Variants in SLC22A3 observed in about 807,000 individuals in gnomAD.
SLC22A3 encodes EMT organic cation transporter 3.
SLC22A3 carries 51 observed loss-of-function variants against 59.1 expected under a neutral mutation model. The observed-to-expected ratio is 0.86, with a 90% CI of 0.69 to 1.09. SLC22A3 has a LOEUF of 1.09. SLC22A3 is among the 50% of genes least tolerant of loss of function. SLC22A3 has a pLI of 0.00. For synonymous variants in SLC22A3, 325 were observed against 292.0 expected, an observed-to-expected ratio of 1.11 and a Z score of -1.15; for missense variants, 711 against 726.3, an observed-to-expected ratio of 0.98 and a Z score of 0.24.
At chr6:160,365,088 A>C (rs1785160611) in intron 1 of SLC22A3, among the ~76,000 whole-genome samples, 1 of 152,118 alleles carries the variant, frequency 6.6e-6, no homozygotes, top group Admixed American at 6.6e-5. Context: ...TGAACCATTA[A>C]GTTTTTAAAA....
At chr6:160,365,618 T>C (rs571749852) in intron 1 of SLC22A3, among the ~76,000 whole-genome samples, 1 of 152,324 alleles carries the variant, frequency 6.6e-6, no homozygotes, top group Admixed American at 6.5e-5. Context: ...GTGATGATGA[T>C]GGCTAACCTT....
Position 160,388,616 on chromosome 6 carries a change from T to G in SLC22A3, c.430-9363T>G, listed in dbSNP as rs551150853. ...TGCTTATTTTATGATAAAAAATATTTCTATAAAATGCTCATAGAAATGCCT... is the reference window on the plus strand; with the variant it reads ...TGCTTATTTTATGATAAAAAATATTGCTATAAAATGCTCATAGAAATGCCT... On this transcript the variant is annotated intron_variant, in intron 1 of 10. Transcript: ENST00000275300. 2.6e-5 allele frequency among the ~76,000 whole-genome samples: 4 copies of G among 152,372 alleles called. No individual in the cohort carries two copies. The East Asian group carries it at 7.7e-4, about 29-fold the overall frequency.
At chr6:160,359,891 C>T (rs1479663555) in intron 1 of SLC22A3, among the ~76,000 whole-genome samples, 2 of 152,136 alleles carry the variant, frequency 1.3e-5, no homozygotes, top group African/African-American at 4.8e-5. Context: ...TAAACAGAGT[C>T]CAAGAAAAAT....
chr6:160,447,850 A>G, intron 10 of SLC22A3, 32 bp downstream of exon 10: 1 of 1,500,700 alleles, frequency 6.7e-7, no homozygotes, highest in Non-Finnish European at 9.3e-7. Context: ...ACCCTAAATA[A>G]AAGCAATATT....
At chr6:160,361,174 G>A (rs150161123) in intron 1 of SLC22A3, among the ~76,000 whole-genome samples, 156 of 152,296 alleles carry the variant, frequency 1.0e-3, no homozygotes, top group African/African-American at 3.6e-3. Context: ...TTGGCTAACT[G>A]ATGTTGAGAA....
intron 1 of SLC22A3, among the ~76,000 whole-genome samples, chr6:160,356,106 T>C (rs1784831243): frequency 6.6e-6 from 1 of 152,242 alleles, no homozygotes; most frequent in African/African-American, 2.4e-5. Context: ...AGGCCAACCC[T>C]GGAATTGGCT....
At chr6:160,389,420 AG>A (rs1786156388) in intron 1 of SLC22A3, among the ~76,000 whole-genome samples, 2 of 152,136 alleles carry the variant, frequency 1.3e-5, no homozygotes, top group African/African-American at 2.4e-5. Flanking sequence ...GCCACGGCAA[AG>A]GATGGCCAAG....
intron 1 of SLC22A3, among the ~76,000 whole-genome samples, chr6:160,390,901 C>G (rs1464402614): frequency 6.6e-6 from 1 of 152,172 alleles, no homozygotes; most frequent in Admixed American, 6.5e-5. Flanking sequence ...CTCTTGGGCT[C>G]TAGGAGAGGG....
intron 1 of SLC22A3, among the ~76,000 whole-genome samples, chr6:160,368,401 A>G (rs949553948): frequency 1.3e-5 from 2 of 150,544 alleles, no homozygotes; most frequent in Middle Eastern, 3.2e-3. Flanking sequence ...TGCCTACCAC[A>G]CCCTTGATGC....
At chr6:160,363,475 G>A (rs1300452813) in intron 1 of SLC22A3, among the ~76,000 whole-genome samples, 2 of 152,028 alleles carry the variant, frequency 1.3e-5, no homozygotes, top group African/African-American at 2.4e-5. Flanking sequence ...TGAGGCCTCA[G>A]GCTCCGGTTG....
intron 1 of SLC22A3, among the ~76,000 whole-genome samples, chr6:160,391,705 A>G (rs1463006419): frequency 6.6e-6 from 1 of 152,220 alleles, no homozygotes; most frequent in African/African-American, 2.4e-5. Flanking sequence ...ACATTTTAAG[A>G]TGCGTAACTG....
chr6:160,435,494 G>T (rs761252000), intron 5 of SLC22A3, among the ~76,000 whole-genome samples: 9 of 152,192 alleles, frequency 5.9e-5, no homozygotes, highest in Non-Finnish European at 8.8e-5. Flanking sequence ...CATTCATTTT[G>T]CAGTCTACTT....
intron 1 of SLC22A3, among the ~76,000 whole-genome samples, chr6:160,391,080 G>C (rs950357475): frequency 3.3e-5 from 5 of 152,130 alleles, no homozygotes; most frequent in African/African-American, 1.2e-4. Context: ...CATTGGACTA[G>C]GGCCCGCTCT....
intron 2 of SLC22A3, among the ~76,000 whole-genome samples, chr6:160,399,148 C>G (rs575811180): frequency 1.1e-4 from 16 of 152,226 alleles, no homozygotes; most frequent in African/African-American, 3.9e-4. Flanking sequence ...CTCTCTCGCC[C>G]TCTCCACAGC....
chr6:160,433,260 T>C (rs949321782), intron 5 of SLC22A3, among the ~76,000 whole-genome samples: 4 of 152,172 alleles, frequency 2.6e-5, no homozygotes, highest in Admixed American at 6.5e-5. Flanking sequence ...GGTCATTGAG[T>C]GACTGGAGAT....
intron 1 of SLC22A3, among the ~76,000 whole-genome samples, chr6:160,352,173 C>T (rs1784683434): frequency 6.6e-6 from 1 of 152,194 alleles, no homozygotes; most frequent in Admixed American, 6.5e-5. Context: ...TCATTTAAAT[C>T]TCATACACCA....
chr6:160,369,832 G>A (rs1186564327), intron 1 of SLC22A3, among the ~76,000 whole-genome samples: 3 of 152,162 alleles, frequency 2.0e-5, no homozygotes, highest in South Asian at 2.1e-4. Flanking sequence ...CACAGATTAT[G>A]AGAGTCATGA....
intron 1 of SLC22A3, chr6:160,349,088 G>A: frequency 1.0e-6 from 1 of 985,184 alleles, no homozygotes; most frequent in Non-Finnish European, 1.2e-6. Context: ...CTTTGGTTTC[G>A]GGTGTGAACA....
intron 1 of SLC22A3, among the ~76,000 whole-genome samples, chr6:160,364,263 G>A (rs781775395): frequency 6.6e-6 from 1 of 152,210 alleles, no homozygotes; most frequent in African/African-American, 2.4e-5. Context: ...TAGATGGGTT[G>A]TTGGAAGGTA....
Sources: allele counts gnomAD v4.1 joint callset (sites outside exome capture counted in the v4.1 genomes callset), GRCh38; gene constraint gnomAD v4.1.1; transcripts MANE v1.5; gene names NCBI Gene and HGNC (gene_info 2026-07-23, HGNC 2026-07-21).